Variants in STX8 observed in about 807,000 individuals in gnomAD.
STX8 encodes the protein syntaxin 8.
Under a neutral mutation model 37.5 loss-of-function variants are expected in STX8, and 23 were observed. The ratio of observed to expected loss-of-function variants is 0.61; its 90% CI spans 0.44 to 0.87. The LOEUF (loss-of-function observed/expected upper bound fraction) is 0.87. STX8 is among the 40% of genes least tolerant of loss of function. STX8 has a pLI of 0.00. For synonymous variants in STX8, 115 were observed against 99.1 expected, an observed-to-expected ratio of 1.16 and a Z score of -0.95; for missense variants, 313 against 284.7, an observed-to-expected ratio of 1.10 and a Z score of -0.71.
intron 3 of STX8, among the ~76,000 whole-genome samples, chr17:9,552,334 C>A (rs1307803993): frequency 1.3e-5 from 2 of 152,156 alleles, no homozygotes; most frequent in African/African-American, 4.8e-5. Flanking sequence ...ACAGTGAGAT[C>A]CTGTCTTTAA....
At chr17:9,316,944 G>T (rs1423609276) in intron 7 of STX8, among the ~76,000 whole-genome samples, 2 of 152,290 alleles carry the variant, frequency 1.3e-5, no homozygotes, top group East Asian at 3.9e-4. Flanking sequence ...TTCACACCTG[G>T]TATCAGAAGT....
intron 7 of STX8, among the ~76,000 whole-genome samples, chr17:9,337,995 C>A (rs543431904): frequency 6.6e-6 from 1 of 150,990 alleles, no homozygotes; most frequent in East Asian, 2.0e-4. Context: ...CTACGGAAAC[C>A]AGTGCTGAGG....
intron 5 of STX8, among the ~76,000 whole-genome samples, chr17:9,504,152 T>C (rs966105003): frequency 2.0e-5 from 3 of 152,138 alleles, no homozygotes; most frequent in Non-Finnish European, 2.9e-5. Context: ...GTAAAATAAG[T>C]ATATTTATAT....
chr17:9,493,841 C>T lies in STX8; in HGVS notation c.449-1920G>A, dbSNP rs544643484. Among the ~76,000 whole-genome samples, 10 of 152,218 alleles carry T rather than the reference C, an allele frequency of 6.6e-5. No homozygotes were observed. The South Asian group carries it at 2.1e-3, about 32-fold the overall frequency. On this transcript the variant is annotated intron_variant, in intron 5 of 7. Transcript: ENST00000306357. Reference sequence around the variant, plus strand: ...TCCTGATCAGACCCATAGTGATATACTTATAATAGTGAAAAATTAGAAAGT... The same window carrying T: ...TCCTGATCAGACCCATAGTGATATATTTATAATAGTGAAAAATTAGAAAGT...
intron 7 of STX8, among the ~76,000 whole-genome samples, chr17:9,256,666 C>G (rs1359695594): frequency 6.6e-6 from 1 of 152,234 alleles, no homozygotes; most frequent in Admixed American, 6.5e-5. Context: ...CCCCACTACC[C>G]ACATAACCAC....
At chr17:9,390,810 C>G (rs547072147) in intron 6 of STX8, among the ~76,000 whole-genome samples, 8 of 140,010 alleles carry the variant, frequency 5.7e-5, no homozygotes, top group Non-Finnish European at 1.1e-4. Flanking sequence ...GCACTCCAGC[C>G]TGGGCGACAG....
intron 6 of STX8, among the ~76,000 whole-genome samples, chr17:9,385,343 T>G (rs1911958013): frequency 6.6e-6 from 1 of 152,188 alleles, no homozygotes; most frequent in Non-Finnish European, 1.5e-5. Context: ...AAATTTTCTG[T>G]TCATCCAAAG....
At chr17:9,529,050 G>A (rs929191664) in intron 4 of STX8, among the ~76,000 whole-genome samples, 2 of 152,168 alleles carry the variant, frequency 1.3e-5, no homozygotes, top group African/African-American at 4.8e-5. Context: ...GAGGGAAACC[G>A]TTACAGAAAG....
At chr17:9,356,645 C>G (rs1910887855) in intron 7 of STX8, among the ~76,000 whole-genome samples, 1 of 152,224 alleles carries the variant, frequency 6.6e-6, no homozygotes, top group Non-Finnish European at 1.5e-5. Context: ...GGCTGTTCCT[C>G]TTCCTCTCTT....
At chr17:9,429,429 C>T (rs998736551) in intron 6 of STX8, among the ~76,000 whole-genome samples, 14 of 143,802 alleles carry the variant, frequency 9.7e-5, no homozygotes, top group African/African-American at 2.6e-4. Context: ...AGGCCAGGCA[C>T]GGTGGCTCAC....
At chr17:9,411,614 G>A (rs187276381) in intron 6 of STX8, among the ~76,000 whole-genome samples, 7 of 152,232 alleles carry the variant, frequency 4.6e-5, no homozygotes, top group Admixed American at 1.3e-4. Flanking sequence ...TACATAGTCC[G>A]GGATAATCAA....
At chr17:9,525,412 T>C (rs1444481402) in intron 4 of STX8, among the ~76,000 whole-genome samples, 1 of 151,810 alleles carries the variant, frequency 6.6e-6, no homozygotes, top group African/African-American at 2.4e-5. Context: ...AATGGCATGA[T>C]CTCGGCTCAC....
chr17:9,415,889 C>T (rs571711921), intron 6 of STX8, among the ~76,000 whole-genome samples: 1 of 152,356 alleles, frequency 6.6e-6, no homozygotes, highest in South Asian at 2.1e-4. Flanking sequence ...CCCAAAATAA[C>T]ATACTAACCC....
At chr17:9,321,377 A>C (rs911396666) in intron 7 of STX8, among the ~76,000 whole-genome samples, 10 of 151,926 alleles carry the variant, frequency 6.6e-5, no homozygotes, top group African/African-American at 2.4e-4. Context: ...TAAAACTACA[A>C]AAATTAGCCG....
chr17:9,404,835 C>T (rs1233517669), intron 6 of STX8, among the ~76,000 whole-genome samples: 2 of 152,186 alleles, frequency 1.3e-5, no homozygotes, highest in Non-Finnish European at 2.9e-5. Context: ...GCTTTTATGT[C>T]TTCTTCCTCG....
intron 7 of STX8, among the ~76,000 whole-genome samples, chr17:9,327,271 G>A (rs1268332147): frequency 6.7e-6 from 1 of 149,504 alleles, no homozygotes; most frequent in African/African-American, 2.5e-5. Context: ...GGAGGAGGAA[G>A]GAGGAAGAAG....
chr17:9,431,448 GTTTTGTTTTTTTTGTTT>G (rs1213244633), intron 6 of STX8, among the ~76,000 whole-genome samples: 10 of 128,366 alleles, frequency 7.8e-5, no homozygotes, highest in Non-Finnish European at 1.6e-4. Context: ...TGTTGTTGTT[GTTTTGTTTTTTTTGTTT>G]TTTTGTTTTT....
rs114933632 is a variant in STX8 at position 9,494,415 on chromosome 17, G to A, written c.449-2494C>T. ...GGGCTGAAGCGGGCAGATCACTTAAGCCCAGGAGTTTGAGACCAGACTGGG... is the reference window on the plus strand; with the variant it reads ...GGGCTGAAGCGGGCAGATCACTTAAACCCAGGAGTTTGAGACCAGACTGGG... On this transcript the variant is annotated intron_variant, in intron 5 of 7. Coordinates refer to ENST00000306357, the MANE Select transcript of STX8 (RefSeq NM_004853.3). Among the ~76,000 whole-genome samples the A allele has an allele frequency of 9.8e-3, 1,492 of 151,624 alleles. 30 individuals are homozygous for A. Among genetic ancestry groups the A allele is most frequent in the African/African-American group, 0.034 (1,426 of 41,478 alleles).
chr17:9,498,947 T>C (rs1053088356), intron 5 of STX8, among the ~76,000 whole-genome samples: 3 of 152,190 alleles, frequency 2.0e-5, no homozygotes, highest in African/African-American at 7.2e-5. Context: ...TTTGAGGCAA[T>C]TAAGTGATTG....
Sources: gnomAD v4.1 joint callset for allele counts (sites outside exome capture counted in the v4.1 genomes callset) on GRCh38, gnomAD v4.1.1 for gene constraint, MANE v1.5 for transcripts, NCBI Gene and HGNC (gene_info 2026-07-23, HGNC 2026-07-21) for gene names.